TBCEL: variants seen among roughly 807,000 people sequenced by gnomAD.
TBCEL encodes the protein tubulin-specific chaperone cofactor E-like protein.
A neutral mutation model predicts 44.2 loss-of-function variants in TBCEL; 15 were observed. The ratio of observed to expected loss-of-function variants is 0.34; its 90% CI spans 0.23 to 0.52. TBCEL has a LOEUF of 0.52. TBCEL is among the 20% of genes least tolerant of loss of function. The probability of loss-of-function intolerance (pLI) is 0.95; values close to 1 mark genes in which losing one functional copy is unlikely to be tolerated. For missense variants in TBCEL, 319 were observed against 506.3 expected, an observed-to-expected ratio of 0.63 and a Z score of 3.55; for synonymous variants, 171 against 185.4, an observed-to-expected ratio of 0.92 and a Z score of 0.63.
chr11:121,044,018 C>G (rs1487470349), intron 2 of TBCEL, among the ~76,000 whole-genome samples: 1 of 152,042 alleles, frequency 6.6e-6, no homozygotes, highest in Middle Eastern at 3.2e-3. Context: ...AATGGTATCA[C>G]CAGTCACCTG....
intron 1 of TBCEL, among the ~76,000 whole-genome samples, chr11:121,029,453 A>G (rs1945105470): frequency 6.6e-6 from 1 of 152,216 alleles, no homozygotes; most frequent in African/African-American, 2.4e-5. Context: ...TAGTCTTCAC[A>G]ATAACTGTGA....
At chr11:121,025,457 C>A (rs1478544633) in intron 1 of TBCEL, among the ~76,000 whole-genome samples, 3 of 151,816 alleles carry the variant, frequency 2.0e-5, no homozygotes, top group African/African-American at 7.3e-5. Flanking sequence ...ACATTCAGAT[C>A]TAGTACATAC....
rs1319439963 is a variant in TBCEL, at chr11:121,089,974, G to A, written c.*2878G>A. 6.6e-6 allele frequency: 1 copy of A among 152,156 alleles called. No individual in the cohort carries two copies. Among genetic ancestry groups the A allele is most frequent in the Non-Finnish European group, 1.5e-5 (1 of 68,028 alleles). The allele number at this position is 152,156 out of a possible 1,614,324, so 9.4% of individuals were successfully genotyped here. On this transcript the variant is annotated 3_prime_UTR_variant, in exon 9 of 9. Coordinates refer to ENST00000683345, the MANE Select transcript of TBCEL (RefSeq NM_001363644.2). ...ACAGTAGAAACCAATTTTTGAATTT[G>A]AATTGTTGAAATATCCTAGATTGCT... is the stretch of plus-strand genomic sequence containing the variant.
chr11:121,033,901 G>A (rs1009695410), intron 1 of TBCEL, among the ~76,000 whole-genome samples: 2 of 151,340 alleles, frequency 1.3e-5, no homozygotes, highest in African/African-American at 2.5e-5. Flanking sequence ...AATCATACAC[G>A]ATTTGTTCTA....
intron 8 of TBCEL, among the ~76,000 whole-genome samples, chr11:121,069,949 G>A (rs955003367): frequency 2.1e-4 from 32 of 152,122 alleles, no homozygotes; most frequent in Non-Finnish European, 3.7e-4. Flanking sequence ...GTTTCAAGTT[G>A]GGAAGTTAAG....
chr11:121,078,335 C>G (rs913054418), intron 8 of TBCEL, among the ~76,000 whole-genome samples: 1 of 152,050 alleles, frequency 6.6e-6, no homozygotes, highest in African/African-American at 2.4e-5. Flanking sequence ...TGGATTGTTA[C>G]GTCTTTCTGC....
intron 2 of TBCEL, among the ~76,000 whole-genome samples, chr11:121,041,968 G>A (rs1227300567): frequency 6.6e-6 from 1 of 150,502 alleles, no homozygotes; most frequent in African/African-American, 2.4e-5. Context: ...AGTTCTTACA[G>A]TATGGGACCA....
chr11:121,062,751 TTAGG>T (rs1199080925), intron 8 of TBCEL, among the ~76,000 whole-genome samples: 1 of 152,164 alleles, frequency 6.6e-6, no homozygotes, highest in Middle Eastern at 3.2e-3. Context: ...AAAATAATTG[TTAGG>T]TAGGATGGAA....
intron 8 of TBCEL, among the ~76,000 whole-genome samples, chr11:121,068,517 A>AG (rs1945864276): frequency 6.6e-6 from 1 of 152,044 alleles, no homozygotes; most frequent in Non-Finnish European, 1.5e-5. Context: ...AGTCTCCCTG[A>AG]GTCCACCCTT....
Position 121,047,544 on chromosome 11 carries a change from A to G in TBCEL, c.150A>G (p.Pro50=). 6.2e-7 allele frequency: 1 copy of G among 1,612,354 alleles called. No individual in the cohort carries two copies. The highest frequency in any genetic ancestry group is 8.5e-7 in the Non-Finnish European group (1 of 1,178,902). ...GSPMKDRLNL[P]SVLVLNSCGI... ...ATCATTCAGATCGCCTCAACCTCCC[A>G]AGTGTACTAGTGTTGAACAGCTGTG... The change falls in exon 4 of 9, where the codon CCA becomes CCG. Residue 50 remains proline (P), a synonymous_variant. Coordinates refer to ENST00000683345, the MANE Select transcript of TBCEL (RefSeq NM_001363644.2).
At position 121,090,713 on chromosome 11, in the gene TBCEL, T is replaced by G. The variant is rs953262470; in HGVS notation, c.*3617T>G. 1 of 150,448 alleles carries G rather than the reference T, an allele frequency of 6.6e-6. No individual in the cohort carries two copies. The highest frequency in any genetic ancestry group is 2.4e-5 in the African/African-American group (1 of 41,140). The allele number at this position is 150,448 out of a possible 1,614,324, so 9.3% of individuals were successfully genotyped here. A position where few individuals can be genotyped will look rare whatever the true frequency, so the allele number is the denominator to read the frequency against. ...TAATTTAAACATGAAGGTCTATTCT[T>G]TGCACTTTTTATTAATATATATATA... is the stretch of plus-strand genomic sequence containing the variant. On this transcript the variant is annotated 3_prime_UTR_variant, in exon 9 of 9. Coordinates refer to ENST00000683345, the MANE Select transcript of TBCEL (RefSeq NM_001363644.2).
At chr11:121,059,179 A>C (rs1410943081) in intron 7 of TBCEL, among the ~76,000 whole-genome samples, 2 of 151,856 alleles carry the variant, frequency 1.3e-5, no homozygotes, top group African/African-American at 4.8e-5. Flanking sequence ...CAGGTTGTTG[A>C]TCTTTGTGAC....
At chr11:121,056,415 G>A (rs765282105) in intron 6 of TBCEL, among the ~76,000 whole-genome samples, 1 of 151,810 alleles carries the variant, frequency 6.6e-6, no homozygotes, top group East Asian at 1.9e-4. Context: ...TTCCAAGTTT[G>A]GGCAGTTATG....
rs886204523 is a variant in TBCEL, at chr11:121,089,132, G to C, written c.*2036G>C. The C allele has an allele frequency of 6.6e-6, 1 of 152,168 alleles. No individual in the cohort carries two copies. The highest frequency in any genetic ancestry group is 1.5e-5 in the Non-Finnish European group (1 of 68,032). The allele number at this position is 152,168 out of a possible 1,614,324, so 9.4% of individuals were successfully genotyped here. On this transcript the variant is annotated 3_prime_UTR_variant, in exon 9 of 9. Coordinates refer to ENST00000683345, the MANE Select transcript of TBCEL (RefSeq NM_001363644.2). ...TTGAGCCCTTTGCTTTTGTCAGCCT[G>C]GGAAACAGATGCGTTCTTATTTTTT...
chr11:121,042,948 A>G (rs190913532), intron 2 of TBCEL, among the ~76,000 whole-genome samples: 109 of 152,216 alleles, frequency 7.2e-4, no homozygotes, highest in Non-Finnish European at 1.2e-3. Context: ...TGTGCTTTCT[A>G]TTGTACTACA....
intron 4 of TBCEL, among the ~76,000 whole-genome samples, chr11:121,052,011 T>C (rs940310698): frequency 8.6e-5 from 13 of 151,828 alleles, no homozygotes; most frequent in African/African-American, 2.2e-4. Flanking sequence ...AAAAGAAAGA[T>C]ATTCAGGTTG....
intron 1 of TBCEL, among the ~76,000 whole-genome samples, chr11:121,030,286 T>G (rs1438481198): frequency 1.3e-5 from 2 of 152,182 alleles, no homozygotes; most frequent in African/African-American, 2.4e-5. Context: ...GTTAGAGATG[T>G]AAGCAGTGAT....
Position 121,040,988 on chromosome 11 carries a change from A to G in TBCEL, c.-18+4376A>G, listed in dbSNP as rs966255428. Among the ~76,000 whole-genome samples the G allele has an allele frequency of 3.9e-5, 6 of 152,286 alleles. No individual in the cohort carries two copies. The South Asian group carries it at 1.2e-3, about 32-fold the overall frequency. ...TCTATTTTTATAAGATTTAAAATGTATGTTTTAGCACTCTGTGGGGTACGT... is the reference window on the plus strand; with the variant it reads ...TCTATTTTTATAAGATTTAAAATGTGTGTTTTAGCACTCTGTGGGGTACGT... On this transcript the variant is annotated intron_variant, in intron 2 of 8. Transcript: ENST00000683345.
intron 8 of TBCEL, among the ~76,000 whole-genome samples, chr11:121,081,131 A>G (rs1161226890): frequency 6.6e-6 from 1 of 152,228 alleles, no homozygotes; most frequent in Non-Finnish European, 1.5e-5. Context: ...GAAGGGGGAA[A>G]AAACACACCA....
Sources: allele counts gnomAD v4.1 joint callset (sites outside exome capture counted in the v4.1 genomes callset), GRCh38; gene constraint gnomAD v4.1.1; transcripts MANE v1.5; gene names NCBI Gene and HGNC (gene_info 2026-07-23, HGNC 2026-07-21).